The following AHRR variants were observed in gnomAD, a reference collection of about 807,000 sequenced individuals.
AHRR encodes aryl hydrocarbon receptor repressor, also known as ahR repressor.
Under a neutral mutation model 44.0 loss-of-function variants are expected in AHRR, and 28 were observed. That is an observed-to-expected ratio of 0.64 (90% CI 0.47 to 0.87). The LOEUF is 0.87. AHRR is among the 40% of genes least tolerant of loss of function. AHRR has a pLI of 0.00. For synonymous variants in AHRR, 434 were observed against 407.0 expected, an observed-to-expected ratio of 1.07 and a Z score of -0.80; for missense variants, 990 against 953.9, an observed-to-expected ratio of 1.04 and a Z score of -0.50.
rs572176556 is a variant in AHRR at position 432,789 on chromosome 5, C to G, written c.971-17C>G. Reference sequence around the variant, plus strand: ...GCTCGCACCGTGACGGCTTCCCCCCCCTCTAAACCCCAACAGGAAGGAGCA... The same window carrying G: ...GCTCGCACCGTGACGGCTTCCCCCCGCTCTAAACCCCAACAGGAAGGAGCA... On this transcript the variant is annotated splice_polypyrimidine_tract_variant and intron_variant, in intron 9 of 10. Transcript: ENST00000684583. 3.0e-4 allele frequency: 484 copies of G among 1,613,874 alleles called. No individual in the cohort carries two copies. The highest frequency in any genetic ancestry group is 4.7e-4 in the East Asian group (21 of 44,876).
intron 4 of AHRR, among the ~76,000 whole-genome samples, chr5:384,929 A>G (rs1477502794): frequency 6.6e-6 from 1 of 151,370 alleles, no homozygotes; most frequent in Non-Finnish European, 1.5e-5. Flanking sequence ...GCGGATCACA[A>G]GGTCAGGAGT....
At chr5:415,609 TGGGGCGGGAGGCCTAGGGGCCGAATCTGC>T (rs1735742671) in intron 5 of AHRR, among the ~76,000 whole-genome samples, 1 of 137,194 alleles carries the variant, frequency 7.3e-6, no homozygotes, top group Admixed American at 7.0e-5. Context: ...ATCTGCCTGG[TGGGGCGGGAGGCCTAGGGGCCGAATCTGC>T]CTGGTGGGGC....
intron 4 of AHRR, among the ~76,000 whole-genome samples, chr5:403,506 C>G (rs1007900616): frequency 6.6e-6 from 1 of 151,950 alleles, no homozygotes; most frequent in African/African-American, 2.4e-5. Flanking sequence ...TGTGGTGGCG[C>G]ATGCCTGTAA....
At chr5:413,265 T>C in intron 4 of AHRR, 79 bp from the exon 5 acceptor site, 1 of 1,053,816 alleles carries the variant, frequency 9.5e-7, no homozygotes. Context: ...TTGTTGAAAA[T>C]TTAAGCAAAG....
intron 4 of AHRR, among the ~76,000 whole-genome samples, chr5:402,321 C>T (rs2126495324): frequency 6.6e-6 from 1 of 151,246 alleles, no homozygotes; most frequent in South Asian, 2.1e-4. Flanking sequence ...GAGAAGGGGA[C>T]CCTCGTGCAC....
chr5:435,007 A>G lies in AHRR; in HGVS notation c.*173A>G. Reference sequence around the variant, plus strand: ...GCAGCATACGCAGGAGCCTATCCTGAATTTTGTAAAATATCCCAACAGTTC... The same window carrying G: ...GCAGCATACGCAGGAGCCTATCCTGGATTTTGTAAAATATCCCAACAGTTC... On this transcript the variant is annotated 3_prime_UTR_variant, in exon 11 of 11. Coordinates refer to ENST00000684583, the MANE Select transcript of AHRR (RefSeq NM_001377236.1). The G allele has an allele frequency of 6.7e-6, 6 of 894,174 alleles. No homozygotes were observed. The highest frequency in any genetic ancestry group is 9.8e-6 in the Non-Finnish European group (6 of 613,522). The allele number at this position is 894,174 out of a possible 1,614,324, so 55.4% of individuals were successfully genotyped here.
chr5:410,671 T>C (rs902960896), intron 4 of AHRR, among the ~76,000 whole-genome samples: 3 of 152,244 alleles, frequency 2.0e-5, no homozygotes, highest in African/African-American at 7.2e-5. Flanking sequence ...TCTCTCAGTT[T>C]ATTCAGGTAT....
intron 3 of AHRR, among the ~76,000 whole-genome samples, chr5:365,470 C>G (rs1743324084): frequency 6.6e-6 from 1 of 152,040 alleles, no homozygotes; most frequent in South Asian, 2.1e-4. Context: ...GCCAAAGAAA[C>G]ACTTAGAAAT....
In AHRR at chr5:383,115, T is replaced by C. The variant is rs200145066; in HGVS notation, c.351+6399T>C. 2.0e-5 allele frequency among the ~76,000 whole-genome samples: 3 copies of C among 152,254 alleles called. No homozygotes were observed. The highest frequency in any genetic ancestry group is 1.9e-4 in the East Asian group (1 of 5,204). On this transcript the variant is annotated intron_variant, in intron 4 of 10. Transcript: ENST00000684583. The surrounding 1 kb of genome is among the most constrained non-coding windows in gnomAD (Gnocchi z 4.0). ...ATTGAATTCTGGCTCAATTTTGTTA[T>C]GGTCAGAGAATATACTTTTTAATGA...
intron 5 of AHRR, among the ~76,000 whole-genome samples, chr5:414,425 G>A (rs55751028): frequency 0.11 from 17,016 of 152,114 alleles, 1,290 homozygotes; most frequent in Non-Finnish European, 0.15. Flanking sequence ...CCCAGGATCT[G>A]GAAATCAGGC....
chr5:363,578 G>A (rs1743252939), intron 3 of AHRR, among the ~76,000 whole-genome samples: 1 of 152,186 alleles, frequency 6.6e-6, no homozygotes, highest in East Asian at 1.9e-4. Context: ...CTGGGTTAGG[G>A]TTATTTCCAC....
intron 3 of AHRR, among the ~76,000 whole-genome samples, chr5:355,840 G>A (rs1028053567): frequency 6.6e-6 from 1 of 152,228 alleles, no homozygotes; most frequent in African/African-American, 2.4e-5. Flanking sequence ...CGAGAGTGCT[G>A]CAGCTTTCAG....
At position 434,712 on chromosome 5, in the gene AHRR, G is replaced by T; in HGVS notation, c.1972G>T (p.Glu658Ter). The T allele has an allele frequency of 6.4e-7, 1 of 1,573,816 alleles. No individual in the cohort carries two copies. The highest frequency in any genetic ancestry group is 2.3e-5 in the East Asian group (1 of 42,570). Reference sequence around the variant, plus strand: ...TGAGGCCGCCCCTGTGGTCAAGCGGGAGCCCTTGGACTCACCCCAGTGGGC... The same window carrying T: ...TGAGGCCGCCCCTGTGGTCAAGCGGTAGCCCTTGGACTCACCCCAGTGGGC... ...AAEAAPVVKREPLDSPQWATH... is the reference protein window; with the variant it reads ...AAEAAPVVKR The change falls in exon 11 of 11, where the codon GAG becomes TAG. Residue 658 changes from glutamate to a stop codon, truncating the protein, a stop_gained. Transcript: ENST00000684583. LOFTEE classifies it low-confidence loss of function (END_TRUNC).
chr5:422,719 G>A lies in AHRR; in HGVS notation c.442-10G>A, dbSNP rs202104724. ...GGTAAGGCTGAAATAATCTTGTTGC[G>A]CTATTTCAGACGGATGTAATGCACC... On this transcript the variant is annotated splice_polypyrimidine_tract_variant and intron_variant, in intron 5 of 10. Transcript: ENST00000684583. The A allele has an allele frequency of 1.2e-5, 20 of 1,614,088 alleles. No homozygotes were observed. Among genetic ancestry groups the A allele is most frequent in the East Asian group, 1.1e-4 (5 of 44,878 alleles).
At position 433,025 on chromosome 5, in the gene AHRR, G is replaced by A. The variant is rs538567881; in HGVS notation, c.1112+78G>A. On this transcript the variant is annotated intron_variant, in intron 10 of 10. Transcript: ENST00000684583. ...TGGAGGCCAAAGAGCGGGTGGGGGA[G>A]TGATTAAGAAGAAAAATAAAAAAGA... 5 of 1,443,430 alleles carry A rather than the reference G, an allele frequency of 3.5e-6. No individual in the cohort carries two copies. In the Admixed American group the frequency reaches 1.4e-4, roughly 40 times the overall value. The allele number at this position is 1,443,430 out of a possible 1,614,324, so 89.4% of individuals were successfully genotyped here.
intron 2 of AHRR, among the ~76,000 whole-genome samples, chr5:352,921 C>G (rs942887284): frequency 1.9e-4 from 27 of 139,220 alleles, no homozygotes; most frequent in East Asian, 6.7e-4. Flanking sequence ...GACGGTCACT[C>G]TGAGGTTAAA....
intron 2 of AHRR, among the ~76,000 whole-genome samples, chr5:345,697 C>T (rs1742648206): frequency 6.6e-6 from 1 of 151,914 alleles, no homozygotes. Context: ...GCCCTAACAC[C>T]TGCTGTGATA....
At chr5:369,344 C>T (rs1743484387) in intron 3 of AHRR, among the ~76,000 whole-genome samples, 2 of 152,230 alleles carry the variant, frequency 1.3e-5, no homozygotes, top group African/African-American at 4.8e-5. Context: ...TCTGGGACAC[C>T]TGAGGGCTCT....
At chr5:373,019 G>A (rs1743630415) in intron 3 of AHRR, among the ~76,000 whole-genome samples, 1 of 152,242 alleles carries the variant, frequency 6.6e-6, no homozygotes, top group Non-Finnish European at 1.5e-5. Context: ...CCTTGGTGCT[G>A]ACTTCACATT....
Sources: allele counts gnomAD v4.1 joint callset (sites outside exome capture counted in the v4.1 genomes callset), GRCh38; gene constraint gnomAD v4.1.1; non-coding constraint Gnocchi (gnomAD v3.1); transcripts MANE v1.5; gene names NCBI Gene and HGNC (gene_info 2026-07-23, HGNC 2026-07-21).